Variants in MBD4 observed in about 807,000 individuals in gnomAD.
MBD4 encodes methyl-CpG-binding domain protein 4.
Under a neutral mutation model 60.2 loss-of-function variants are expected in MBD4, and 53 were observed. The ratio of observed to expected loss-of-function variants is 0.88; its 90% CI spans 0.71 to 1.11. The LOEUF (loss-of-function observed/expected upper bound fraction) is 1.11. Among genes scored for constraint, MBD4 ranks in the 50% least tolerant of loss-of-function variants. MBD4 has a pLI of 0.00. For missense variants in MBD4, 619 were observed against 674.0 expected (o/e 0.92, Z 0.90); for synonymous variants, 231 against 229.8 (o/e 1.01, Z -0.05).
chr3:129,433,946 T>G lies in MBD4; in HGVS notation c.1297A>C (p.Thr433Pro), dbSNP rs2072405808. The G allele has an allele frequency of 6.2e-7, 1 of 1,614,038 alleles. No homozygotes were observed. Among genetic ancestry groups the G allele is most frequent in the African/African-American group, 1.3e-5 (1 of 74,928 alleles). Residue 433 changes from threonine (T) to proline (P), a missense_variant, in exon 5 of 8, where the codon ACA (threonine) becomes CCA (proline). Physicochemically the swap from Thr to Pro is conservative, Grantham distance 38. Transcript: ENST00000429544. ...PPRRKAFKKW[T>P]PPRSPFNLVQ... ...AGATTAAAAGGTGACCGAGGAGGTG[T>G]CCATTTCTTAAAGGCTTTACGTCGT... is the stretch of plus-strand genomic sequence containing the variant.
In MBD4 at chr3:129,433,330, T is replaced by C. The variant is rs910149520; in HGVS notation, c.1394-83A>G. 5.5e-6 allele frequency: 8 copies of C among 1,446,794 alleles called. No homozygotes were observed. The African/African-American group carries it at 7.2e-5, about 13-fold the overall frequency. The allele number at this position is 1,446,794 out of a possible 1,614,324, so 89.6% of individuals were successfully genotyped here. A position where few individuals can be genotyped will look rare whatever the true frequency, so the allele number is the denominator to read the frequency against. Reference sequence around the variant, plus strand: ...CAAGTAGTTTCTCATAGAAATCTCATCCAGAGGGTTTTTTTTTTTAAAGAA... The same window carrying C: ...CAAGTAGTTTCTCATAGAAATCTCACCCAGAGGGTTTTTTTTTTTAAAGAA... On this transcript the variant is annotated intron_variant, in intron 5 of 7. Coordinates refer to ENST00000429544, the MANE Select transcript of MBD4 (RefSeq NM_001276270.2).
Position 129,436,607 on chromosome 3 carries a change from T to C in MBD4, c.1037A>G (p.Glu346Gly). 6.2e-7 allele frequency: 1 copy of C among 1,614,212 alleles called. No individual in the cohort carries two copies. The highest frequency in any genetic ancestry group is 8.5e-7 in the Non-Finnish European group (1 of 1,180,036). The stretch of plus-strand genomic sequence containing the variant: ...TTCTAAAAAGGTATCCTCATACTTC[T>C]CGTTGTGTTCTGAGTCTTTGGCTGA... ...FCSAKDSEHN[E>G]KYEDTFLESE... The change falls in exon 3 of 8, where the codon GAG becomes GGG. Residue 346 changes from glutamate (E) to glycine (G), a missense_variant. Glu to Gly is a moderately conservative substitution (Grantham distance 98). Transcript: ENST00000429544.
At chr3:129,431,606 G>A (rs1001882534) in intron 7 of MBD4, 28 bp from the exon 8 acceptor site, 17 of 1,499,754 alleles carry the variant, frequency 1.1e-5, no homozygotes, top group Non-Finnish European at 1.6e-5. Context: ...TACAGAGGCA[G>A]AGACCTTAAT....
At chr3:129,434,318 T>G (rs2072416653) in intron 3 of MBD4, among the ~76,000 whole-genome samples, 182 bp from the exon 4 acceptor site, 1 of 152,226 alleles carries the variant, frequency 6.6e-6, no homozygotes, top group Admixed American at 6.5e-5. Flanking sequence ...TTATCTCCAC[T>G]TTACAGATAA....
chr3:129,435,228 A>T (rs988103219), intron 3 of MBD4, among the ~76,000 whole-genome samples: 1 of 129,184 alleles, frequency 7.7e-6, no homozygotes, highest in Admixed American at 7.2e-5. Context: ...AGTAGAGAGT[A>T]AAAAAAAAAA....
rs751290587 is a variant in MBD4 at position 129,439,735 on chromosome 3, G to A, written c.99C>T (p.Asp33=). The A allele has an allele frequency of 1.3e-6, 2 of 1,582,392 alleles. No individual in the cohort carries two copies. ...AAAAGGGGACAGTAACTTACCGGAG[G>A]TCATTCGGCGGGTCTGGGACTAGGC... ...SERLVPDPPN[D]LRKEDVAMEL... The change falls in exon 1 of 8, where the codon GAC becomes GAT. Residue 33 remains aspartate (D), a synonymous_variant. Transcript: ENST00000429544.
chr3:129,435,695 G>A (rs900089028), intron 3 of MBD4, among the ~76,000 whole-genome samples: 10 of 152,096 alleles, frequency 6.6e-5, no homozygotes, highest in African/African-American at 2.4e-4. Flanking sequence ...AGGAGTTTAA[G>A]TAAAATTATT....
intron 7 of MBD4, chr3:129,432,183 G>C: frequency 6.5e-6 from 9 of 1,379,326 alleles, no homozygotes; most frequent in Non-Finnish European, 8.4e-6. Context: ...TTCCTGTAGT[G>C]GTGTACTTTT....
At chr3:129,437,674 G>T in intron 2 of MBD4, 46 bp downstream of exon 2, 1 of 1,388,794 alleles carries the variant, frequency 7.2e-7, no homozygotes, top group Non-Finnish European at 1.0e-6. Context: ...TACCTGCCCA[G>T]ACAAAATCAT....
At position 129,436,819 on chromosome 3, in the gene MBD4, A is replaced by G. The variant is rs750332699; in HGVS notation, c.825T>C (p.Ser275=). Residue 275 remains serine (S), a synonymous_variant, in exon 3 of 8, where the codon AGT becomes AGC. Transcript: ENST00000429544. ...ESVCNKADAE[S]EPVAQKSQLD... is the part of the protein sequence containing the mutation. ...GCTGACTTTTTTGTGCAACAGGTTC[A>G]CTTTCAGCATCTGCTTTATTACACA... is the stretch of plus-strand genomic sequence containing the variant. 6.2e-7 allele frequency: 1 copy of G among 1,614,164 alleles called. No homozygotes were observed.
Position 129,436,697 on chromosome 3 carries a change from G to C in MBD4, c.947C>G (p.Ser316Ter), listed in dbSNP as rs1178982163. 2 of 1,613,944 alleles carry C rather than the reference G, an allele frequency of 1.2e-6. No homozygotes were observed. Among genetic ancestry groups the C allele is most frequent in the Non-Finnish European group, 1.7e-6 (2 of 1,179,984 alleles). ...ACAAAAATTTGATCCTGAACTCAAT[G>C]ATCTTTCTTTTTTTTTTACAAGGCT... The part of the protein sequence containing the change: ...ENSLVKKKER[S>*]LSSGSNFCSE... The change falls in exon 3 of 8, where the codon TCA (serine) becomes TGA (stop). Residue 316 changes from serine (S) to a stop codon, truncating the protein, a stop_gained. Transcript: ENST00000429544. LOFTEE classifies it high-confidence loss of function.
At chr3:129,432,978 G>C (rs1199575984) in intron 6 of MBD4, 120 bp downstream of exon 6, 1 of 1,302,178 alleles carries the variant, frequency 7.7e-7, no homozygotes, top group Non-Finnish European at 1.1e-6. Flanking sequence ...TAAATGCCTT[G>C]GGTGCTTGAG....
chr3:129,432,289 A>T (rs1005288615), intron 7 of MBD4: 2 of 1,473,098 alleles, frequency 1.4e-6, no homozygotes, highest in African/African-American at 2.8e-5. Context: ...GATGAGTCAG[A>T]GGCCACGCCG....
chr3:129,431,748 C>CTTATTATTAAGGTATATTAATAATTAAGA (rs2072348895), intron 7 of MBD4, among the ~76,000 whole-genome samples, 170 bp from the exon 8 acceptor site: 1 of 152,018 alleles, frequency 6.6e-6, no homozygotes, highest in South Asian at 2.1e-4. Flanking sequence ...TAAGTTATAC[C>CTTATTATTAAGGTATATTAATAATTAAGA]TTATATTAAG....
At chr3:129,433,404 A>G in intron 5 of MBD4, 157 bp from the exon 6 acceptor site, 1 of 774,652 alleles carries the variant, frequency 1.3e-6, no homozygotes, top group Non-Finnish European at 2.1e-6. Context: ...TGAACCAGCA[A>G]CCACTTTCAG....
Position 129,431,458 on chromosome 3 carries a change from G to C in MBD4, c.*43C>G, listed in dbSNP as rs560871750. 2.9e-5 allele frequency: 43 copies of C among 1,503,328 alleles called. No individual in the cohort carries two copies. The Admixed American group carries it at 6.9e-4, about 24-fold the overall frequency. The allele number at this position is 1,503,328 out of a possible 1,614,324, so 93.1% of individuals were successfully genotyped here. On this transcript the variant is annotated 3_prime_UTR_variant, in exon 8 of 8. Coordinates refer to ENST00000429544, the MANE Select transcript of MBD4 (RefSeq NM_001276270.2). ...TTGTACTTAATTAAGCTTTTTTGAAGTGCAAAGCTATGCATAACAGATGAG... is the reference window on the plus strand; with the variant it reads ...TTGTACTTAATTAAGCTTTTTTGAACTGCAAAGCTATGCATAACAGATGAG...
chr3:129,432,978 G>A, intron 6 of MBD4, 120 bp downstream of exon 6: 1 of 1,302,302 alleles, frequency 7.7e-7, no homozygotes, highest in Non-Finnish European at 1.1e-6. Flanking sequence ...TAAATGCCTT[G>A]GGTGCTTGAG....
At chr3:129,436,212 C>T (rs925645405) in intron 3 of MBD4, among the ~76,000 whole-genome samples, 1 of 152,184 alleles carries the variant, frequency 6.6e-6, no homozygotes, top group African/African-American at 2.4e-5. Flanking sequence ...AATAGTAATA[C>T]TCTCCTTTGC....
intron 7 of MBD4, 109 bp from the exon 8 acceptor site, chr3:129,431,687 T>A: frequency 1.3e-6 from 1 of 780,684 alleles, no homozygotes; most frequent in South Asian, 1.4e-5. Context: ...TACATTACGA[T>A]ACCATACCTA....
Sources: gnomAD v4.1 joint callset for allele counts (sites outside exome capture counted in the v4.1 genomes callset) on GRCh38, gnomAD v4.1.1 for gene constraint, MANE v1.5 for transcripts, NCBI Gene and HGNC (gene_info 2026-07-23, HGNC 2026-07-21) for gene names.